CAPS2: variants seen among roughly 807,000 people sequenced by gnomAD.
CAPS2 encodes the protein calcyphosine 2.
In CAPS2, 98 loss-of-function variants were observed where a neutral mutation model predicts 86.5. That is an observed-to-expected ratio of 1.13 (90% confidence interval 0.96 to 1.34). The LOEUF is 1.34. CAPS2 is among the 40% of genes most tolerant of loss of function. The probability of loss-of-function intolerance (pLI) is 0.00; values close to 1 mark genes in which losing one functional copy is unlikely to be tolerated. For missense variants in CAPS2, 729 were observed against 686.8 expected (o/e 1.06, Z -0.69); for synonymous variants, 210 against 225.1 (o/e 0.93, Z 0.60).
intron 1 of CAPS2, chr12:75,363,207 A>G (rs1352395612): frequency 3.4e-6 from 4 of 1,162,960 alleles, no homozygotes; most frequent in Non-Finnish European, 4.7e-6. Flanking sequence ...AAAAATATAT[A>G]TATATAATTA....
chr12:75,289,541 TA>T, intron 14 of CAPS2, 79 bp downstream of exon 14: 1 of 1,299,584 alleles, frequency 7.7e-7, no homozygotes, highest in Non-Finnish European at 1.1e-6. Context: ...AAATGAAAAC[TA>T]AAATTTCAGT....
rs61616225 is a variant in CAPS2, at chr12:75,359,357, C to CTTTTTTTTTTTTTTTTTTTTTTTT, written c.-395+31457_-395+31480dup. On this transcript the variant is annotated intron_variant, in intron 1 of 5. Coordinates refer to the CAPS2 transcript ENST00000551829. ...GAGTTAGAAGACTCAGCATTGTTGT[C>CTTTTTTTTTTTTTTTTTTTTTTTT]TTTTTTTTTTTTTTTTTTTTTTTTT... 7.0e-5 allele frequency among the ~76,000 whole-genome samples: 2 copies of CTTTTTTTTTTTTTTTTTTTTTTTT among 28,600 alleles called. 1 individual carries two copies. Among genetic ancestry groups the CTTTTTTTTTTTTTTTTTTTTTTTT allele is most frequent in the Non-Finnish European group, 1.3e-4 (2 of 15,184 alleles). The allele number at this position is 28,600 out of a possible 152,430, so 18.8% of individuals were successfully genotyped here. A position where few individuals can be genotyped will look rare whatever the true frequency, so the allele number is the denominator to read the frequency against.
intron 7 of CAPS2, among the ~76,000 whole-genome samples, chr12:75,310,742 G>A (rs947851564): frequency 6.6e-6 from 1 of 151,954 alleles, no homozygotes; most frequent in Non-Finnish European, 1.5e-5. Context: ...ATGCAAATGC[G>A]GATTGGTTGG....
chr12:75,372,913 C>T (rs141673401), intron 1 of CAPS2, among the ~76,000 whole-genome samples: 108 of 152,288 alleles, frequency 7.1e-4, no homozygotes, highest in African/African-American at 2.5e-3. Context: ...TCTGCAAGTC[C>T]ACAGATGGTA....
chr12:75,348,642 C>T (rs559525121), intron 1 of CAPS2, among the ~76,000 whole-genome samples: 15 of 152,292 alleles, frequency 9.8e-5, no homozygotes, highest in African/African-American at 3.6e-4. Context: ...AAGCATCATA[C>T]TGCTTTGAAT....
At chr12:75,337,248 G>A (rs2041798592) in intron 1 of CAPS2, among the ~76,000 whole-genome samples, 2 of 151,448 alleles carry the variant, frequency 1.3e-5, no homozygotes, top group Admixed American at 1.3e-4. Flanking sequence ...AACTAAAGAT[G>A]ATCATAATTT....
At chr12:75,322,990 T>A (rs746941455) in exon 4 of CAPS2, 8 of 1,528,344 alleles carry the variant, frequency 5.2e-6, no homozygotes, top group Non-Finnish European at 7.1e-6. Flanking sequence ...ATTTAGATGA[T>A]ACTGAGTATA....
At chr12:75,367,937 T>C (rs2044094790) in intron 1 of CAPS2, among the ~76,000 whole-genome samples, 1 of 152,170 alleles carries the variant, frequency 6.6e-6, no homozygotes, top group South Asian at 2.1e-4. Context: ...TTTTCATTGG[T>C]CCTCATAGCC....
intron 1 of CAPS2, among the ~76,000 whole-genome samples, chr12:75,345,789 T>C (rs2042402631): frequency 1.3e-5 from 2 of 152,214 alleles, no homozygotes; most frequent in African/African-American, 4.8e-5. Flanking sequence ...ATATCCTTTG[T>C]CTTCTCTTTT....
intron 14 of CAPS2, among the ~76,000 whole-genome samples, chr12:75,287,176 T>G (rs2035032033): frequency 1.3e-5 from 2 of 151,810 alleles, no homozygotes; most frequent in Non-Finnish European, 2.9e-5. Flanking sequence ...TTGTTCTTGT[T>G]ACAATCTTTT....
chr12:75,306,182 C>T, intron 7 of CAPS2: 1 of 816,332 alleles, frequency 1.2e-6, no homozygotes, highest in Non-Finnish European at 2.0e-6. Flanking sequence ...AAGTACCGGC[C>T]CGGCCCCTAC....
At chr12:75,330,400 G>A (rs1474553200), upstream of CAPS2, among the ~76,000 whole-genome samples, 1 of 152,218 alleles carries the variant, frequency 6.6e-6, no homozygotes, top group Non-Finnish European at 1.5e-5. Context: ...CAGGGAAAGG[G>A]CCAAAGCCCG....
chr12:75,341,210 T>A (rs1363134649), intron 1 of CAPS2, among the ~76,000 whole-genome samples: 1 of 152,216 alleles, frequency 6.6e-6, no homozygotes, highest in Non-Finnish European at 1.5e-5. Flanking sequence ...AGGAGTTTAG[T>A]GACTCTATAC....
At chr12:75,298,443 T>C (rs1450675726) in intron 11 of CAPS2, 1 of 467,738 alleles carries the variant, frequency 2.1e-6, no homozygotes, top group African/African-American at 1.9e-5. Flanking sequence ...ACAACCCATG[T>C]TGTGGAATGG....
At chr12:75,328,104 G>A (rs2040956066), upstream of CAPS2, among the ~76,000 whole-genome samples, 1 of 151,914 alleles carries the variant, frequency 6.6e-6, no homozygotes, top group African/African-American at 2.4e-5. Context: ...TAGCACTACA[G>A]ATGGCTTTCT....
rs546208416 is a variant in CAPS2, at chr12:75,351,778, C to T, written c.-394-28556G>A. ...GCCAGCCTGGTCTCGAACTCCTGAC[C>T]TCAGGTGATCCACCCTCCTTGGCCT... On this transcript the variant is annotated intron_variant, in intron 1 of 5. Coordinates refer to the CAPS2 transcript ENST00000551829. 2.5e-4 allele frequency among the ~76,000 whole-genome samples: 38 copies of T among 152,282 alleles called. No individual in the cohort carries two copies. The Middle Eastern group carries it at 0.01, about 41-fold the overall frequency.
At chr12:75,362,333 G>A (rs1474708300) in intron 1 of CAPS2, among the ~76,000 whole-genome samples, 1 of 151,990 alleles carries the variant, frequency 6.6e-6, no homozygotes, top group East Asian at 1.9e-4. Context: ...TATTAGAATG[G>A]CTAGAGAGTG....
chr12:75,279,109 A>G (rs1486062430), intron 16 of CAPS2, 44 bp from the exon 17 acceptor site: 2 of 1,405,826 alleles, frequency 1.4e-6, no homozygotes, highest in African/African-American at 1.5e-5. Context: ...TGAAAAGTTC[A>G]GTGAAATGAC....
intron 1 of CAPS2, chr12:75,369,400 C>T: frequency 6.9e-6 from 3 of 436,936 alleles, no homozygotes; most frequent in Non-Finnish European, 9.1e-6. Context: ...TGCTGGTAAC[C>T]ATTATATCCA....
Sources: allele counts gnomAD v4.1 joint callset (sites outside exome capture counted in the v4.1 genomes callset), GRCh38; gene constraint gnomAD v4.1.1; transcripts MANE v1.5; gene names NCBI Gene and HGNC (gene_info 2026-07-23, HGNC 2026-07-21).